Variants in ODAD4 observed in about 807,000 individuals in gnomAD.
The protein encoded by ODAD4 is outer dynein arm-docking complex subunit 4.
In ODAD4, 49 loss-of-function variants were observed where a neutral mutation model predicts 51.8. The ratio of observed to expected loss-of-function variants is 0.95; its 90% confidence interval spans 0.75 to 1.20. The LOEUF is 1.20. Among genes scored for constraint, ODAD4 ranks in the 50% most tolerant of loss-of-function variants. The pLI is 0.00. For missense variants in ODAD4, 590 were observed against 586.5 expected (o/e 1.01, Z -0.06); for synonymous variants, 235 against 221.3 (o/e 1.06, Z -0.55).
Position 41,954,380 on chromosome 17 carries a change from C to T in ODAD4, c.1343-837C>T, listed in dbSNP as rs138268803. Among the ~76,000 whole-genome samples, 182 of 152,222 alleles carry T rather than the reference C, an allele frequency of 1.2e-3. 3 individuals carry two copies. The highest frequency in any genetic ancestry group is 5.1e-4 in the Non-Finnish European group (35 of 68,020). On this transcript the variant is annotated intron_variant, in intron 9 of 11. Coordinates refer to ENST00000377540, the MANE Select transcript of ODAD4 (RefSeq NM_031421.5). Reference sequence around the variant, plus strand: ...CTGCTAATCATTTCAGTCCCAGCTCCAGCACTAATTGGCACGGAGAGCCCA... The same window carrying T: ...CTGCTAATCATTTCAGTCCCAGCTCTAGCACTAATTGGCACGGAGAGCCCA...
intron 11 of ODAD4, among the ~76,000 whole-genome samples, chr17:41,962,417 C>CAGGGAGGGAGTG (rs1364903133): frequency 2.0e-5 from 3 of 152,104 alleles, no homozygotes; most frequent in African/African-American, 7.2e-5. Context: ...TCCTTTCCTG[C>CAGGGAGGGAGTG]AGGGAGGGAG....
intron 7 of ODAD4, among the ~76,000 whole-genome samples, chr17:41,942,908 G>C (rs2050526186): frequency 6.6e-6 from 1 of 152,072 alleles, no homozygotes. Flanking sequence ...TGCTGCCCAG[G>C]CTGGAGTGTA....
intron 3 of ODAD4, 83 bp downstream of exon 3, chr17:41,935,832 T>C: frequency 2.0e-6 from 3 of 1,532,038 alleles, no homozygotes; most frequent in Non-Finnish European, 2.7e-6. Context: ...TCACAGCAGG[T>C]GAGCAGCCAC....
Position 41,945,124 on chromosome 17 carries a change from T to G in ODAD4, c.1059-12T>G, listed in dbSNP as rs782557498. The G allele has an allele frequency of 2.4e-5, 39 of 1,610,122 alleles. No individual in the cohort carries two copies. The highest frequency in any genetic ancestry group is 1.3e-5 in the African/African-American group (1 of 74,854). On this transcript the variant is annotated splice_polypyrimidine_tract_variant and intron_variant, in intron 7 of 11. Transcript: ENST00000377540. The stretch of plus-strand genomic sequence containing the variant: ...TTTCTAGTGAATGGCTTGTTTTGCT[T>G]CTTCCCCACAGTGACCTTCCTGATG...
intron 4 of ODAD4, 25 bp from the exon 5 acceptor site, chr17:41,936,737 G>A (rs372810976): frequency 4.6e-5 from 75 of 1,613,076 alleles, no homozygotes; most frequent in Non-Finnish European, 5.4e-5. Flanking sequence ...CTGAAGCTCT[G>A]TTGGGTGTTG....
At chr17:41,935,539 C>T (rs1350769509) in intron 2 of ODAD4, 60 bp from the exon 3 acceptor site, 2 of 1,564,882 alleles carry the variant, frequency 1.3e-6, no homozygotes, top group South Asian at 1.2e-5. Context: ...TCTGTTCCAC[C>T]ACATGTGAGT....
intron 8 of ODAD4, among the ~76,000 whole-genome samples, chr17:41,946,140 C>T (rs1385062993): frequency 1.3e-5 from 2 of 152,190 alleles, no homozygotes; most frequent in African/African-American, 4.8e-5. Context: ...TTATCTGAGG[C>T]TTTCTTCCTC....
intron 10 of ODAD4, among the ~76,000 whole-genome samples, chr17:41,959,242 T>C (rs1013824724): frequency 2.0e-5 from 3 of 152,064 alleles, no homozygotes; most frequent in Non-Finnish European, 4.4e-5. Flanking sequence ...ACTTCACAGG[T>C]GCACACTCAC....
At chr17:41,937,322 A>C (rs782735829) in intron 5 of ODAD4, among the ~76,000 whole-genome samples, 2 of 152,252 alleles carry the variant, frequency 1.3e-5, no homozygotes, top group Non-Finnish European at 2.9e-5. Flanking sequence ...CGAGGATATT[A>C]GTTCTAGAAT....
At chr17:41,958,847 T>C (rs142358750) in intron 10 of ODAD4, among the ~76,000 whole-genome samples, 1 of 151,038 alleles carries the variant, frequency 6.6e-6, no homozygotes, top group Non-Finnish European at 1.5e-5. Context: ...ACATTGTCTC[T>C]ACTAAAAATA....
At chr17:41,952,471 C>T (rs1306909790) in intron 9 of ODAD4, among the ~76,000 whole-genome samples, 4 of 138,572 alleles carry the variant, frequency 2.9e-5, no homozygotes, top group Non-Finnish European at 6.1e-5. Flanking sequence ...CAGGTTGAGA[C>T]CGCAGTGAGC....
At chr17:41,953,661 A>G (rs931150308) in intron 9 of ODAD4, among the ~76,000 whole-genome samples, 6 of 147,964 alleles carry the variant, frequency 4.1e-5, no homozygotes, top group Non-Finnish European at 9.0e-5. Context: ...AATTATATAT[A>G]TATATATAGA....
chr17:41,937,813 TGAA>T lies in ODAD4; in HGVS notation c.626-742_626-740del, dbSNP rs200107694. ...CACCACACTGCTGCCAGTGACAGGA[TGAA>T]GGACAGAAGCCTGAGATGAATGTCC... On this transcript the variant is annotated intron_variant, in intron 5 of 11. Transcript: ENST00000377540. Among the ~76,000 whole-genome samples the T allele has an allele frequency of 6.9e-4, 105 of 152,334 alleles. No individual in the cohort carries two copies. The East Asian group carries it at 0.016, about 24-fold the overall frequency.
intron 1 of ODAD4, 44 bp downstream of exon 1, chr17:41,930,881 CTT>C (rs782820445): frequency 0.011 from 1,027 of 95,982 alleles, no homozygotes; most frequent in Middle Eastern, 0.018. Flanking sequence ...TCACCCGTCA[CTT>C]TTTTTTTTTT....
At chr17:41,955,677 G>C (rs1006229507) in intron 10 of ODAD4, among the ~76,000 whole-genome samples, 1 of 152,126 alleles carries the variant, frequency 6.6e-6, no homozygotes, top group East Asian at 1.9e-4. Flanking sequence ...GCCCGCCTTG[G>C]CCTCTCAAAA....
chr17:41,930,792 C>CT lies in ODAD4; in HGVS notation c.70dup (p.Tyr24LeufsTer8), dbSNP rs1450316064. Reference sequence around the variant, plus strand: ...CTTATATGGCCGAAGGCGAGCGGCTCTACCTGTGCGGGGAATTTTCTAAAG... The same window carrying CT: ...CTTATATGGCCGAAGGCGAGCGGCTCTTACCTGTGCGGGGAATTTTCTAAAG... On this transcript the variant is annotated frameshift_variant, in exon 1 of 12. Coordinates refer to ENST00000377540, the MANE Select transcript of ODAD4 (RefSeq NM_031421.5). LOFTEE classifies it high-confidence loss of function. 3.1e-6 allele frequency: 5 copies of CT among 1,604,654 alleles called. No individual in the cohort carries two copies. The highest frequency in any genetic ancestry group is 1.3e-5 in the African/African-American group (1 of 74,512).
chr17:41,935,361 G>A lies in ODAD4; in HGVS notation c.246+13G>A. The A allele has an allele frequency of 6.2e-7, 1 of 1,612,862 alleles. No homozygotes were observed. The highest frequency in any genetic ancestry group is 8.5e-7 in the Non-Finnish European group (1 of 1,179,418). The stretch of plus-strand genomic sequence containing the variant: ...AGCTTTCTGTAAGGTGACTGCATGG[G>A]CGGGAGGACTGGATCCTGCCATTGC... On this transcript the variant is annotated intron_variant, in intron 2 of 11. Transcript: ENST00000377540.
chr17:41,964,260 C>T (rs2050845005), intron 11 of ODAD4, among the ~76,000 whole-genome samples: 1 of 151,872 alleles, frequency 6.6e-6, no homozygotes, highest in African/African-American at 2.4e-5. Flanking sequence ...GGGGTTTCAC[C>T]TTGTTGGCCA....
At chr17:41,960,923 G>C (rs1216195520) in intron 10 of ODAD4, among the ~76,000 whole-genome samples, 1 of 152,196 alleles carries the variant, frequency 6.6e-6, no homozygotes, top group African/African-American at 2.4e-5. Context: ...TCATGCACTC[G>C]AGTTGGGGAA....
Sources: allele counts gnomAD v4.1 joint callset (sites outside exome capture counted in the v4.1 genomes callset), GRCh38; gene constraint gnomAD v4.1.1; transcripts MANE v1.5; gene names NCBI Gene and HGNC (gene_info 2026-07-23, HGNC 2026-07-21).